Variants in ABL1 observed in about 807,000 individuals in gnomAD.
ABL1 encodes tyrosine-protein kinase ABL1.
ABL1 carries 11 observed loss-of-function variants against 94.7 expected under a neutral mutation model. The ratio of observed to expected loss-of-function variants is 0.12; its 90% CI spans 0.07 to 0.19. The LOEUF (loss-of-function observed/expected upper bound fraction) is 0.19, where lower values mean the gene tolerates loss of function less well. Ranked by LOEUF, ABL1 falls within the 10% of genes least tolerant of loss-of-function variation. ABL1 has a pLI of 1.00. For synonymous variants in ABL1, 656 were observed against 622.4 expected (o/e 1.05, Z -0.80); for missense variants, 1,082 against 1,489.4 (o/e 0.73, Z 4.50).
intron 1 of ABL1, among the ~76,000 whole-genome samples, chr9:130,743,378 T>G (rs1831844406): frequency 6.6e-6 from 1 of 152,238 alleles, no homozygotes; most frequent in Non-Finnish European, 1.5e-5. Context: ...CAGCCTAGTT[T>G]ATTCTTTTAA....
chr9:130,750,192 CAT>C (rs56263750), intron 1 of ABL1, among the ~76,000 whole-genome samples: 5,637 of 103,974 alleles, frequency 0.054, 123 homozygotes, highest in Non-Finnish European at 0.083. Flanking sequence ...AAAAAAAATA[CAT>C]ATATATATAT....
intron 1 of ABL1, among the ~76,000 whole-genome samples, chr9:130,744,315 G>C (rs1176522628): frequency 6.6e-6 from 1 of 151,312 alleles, no homozygotes; most frequent in African/African-American, 2.4e-5. Flanking sequence ...GCTAATTTTT[G>C]TATTTTTAGT....
At chr9:130,832,942 T>G (rs1830509816), upstream of ABL1, among the ~76,000 whole-genome samples, 1 of 152,244 alleles carries the variant, frequency 6.6e-6, no homozygotes, top group Admixed American at 6.5e-5. Flanking sequence ...CCATTGCCAC[T>G]AATTCAGTAT....
At chr9:130,734,732 G>A (rs1588215407) in intron 1 of ABL1, among the ~76,000 whole-genome samples, 3 of 151,806 alleles carry the variant, frequency 2.0e-5, no homozygotes, top group Admixed American at 2.0e-4. Flanking sequence ...ATATTGGCTA[G>A]GTTGGTCTTG....
At chr9:130,806,125 C>A (rs981660257) in intron 1 of ABL1, among the ~76,000 whole-genome samples, 6 of 152,152 alleles carry the variant, frequency 3.9e-5, no homozygotes, top group Non-Finnish European at 8.8e-5. Context: ...AACCTCATGT[C>A]TACAGAAGCT....
At chr9:130,867,112 T>G (rs1007655337) in intron 4 of ABL1, among the ~76,000 whole-genome samples, 2 of 152,246 alleles carry the variant, frequency 1.3e-5, no homozygotes, top group African/African-American at 2.4e-5. Flanking sequence ...GATTGACTCA[T>G]GAGCTAACTG....
At chr9:130,716,566 G>A (rs192454359) in intron 1 of ABL1, among the ~76,000 whole-genome samples, 13 of 152,230 alleles carry the variant, frequency 8.5e-5, no homozygotes, top group Non-Finnish European at 1.5e-4. Context: ...CACTTTGGTG[G>A]TTGGGTTGCA....
exon 1 of ABL1, among the ~76,000 whole-genome samples, chr9:130,713,165 C>T (rs1831392108): frequency 6.6e-6 from 1 of 152,080 alleles, no homozygotes; most frequent in Non-Finnish European, 1.5e-5. Context: ...CGGCGGGGGG[C>T]GGCTGGGTCC....
chr9:130,777,122 C>T (rs767377407), intron 1 of ABL1, among the ~76,000 whole-genome samples: 9 of 152,124 alleles, frequency 5.9e-5, no homozygotes, highest in Non-Finnish European at 1.0e-4. Flanking sequence ...ATATGAGTTA[C>T]GGTTTTTTGT....
At chr9:130,846,233 C>T (rs1323006371) in intron 1 of ABL1, among the ~76,000 whole-genome samples, 2 of 152,098 alleles carry the variant, frequency 1.3e-5, no homozygotes, top group Non-Finnish European at 1.5e-5. Flanking sequence ...GGAAATAATA[C>T]TTTTCCTCTA....
intron 1 of ABL1, among the ~76,000 whole-genome samples, chr9:130,841,653 A>G (rs1026671819): frequency 4.6e-5 from 7 of 151,770 alleles, no homozygotes; most frequent in Non-Finnish European, 1.0e-4. Flanking sequence ...TCTACTAAAA[A>G]TATAAAAAAT....
chr9:130,828,909 C>G (rs1425860369), intron 1 of ABL1, among the ~76,000 whole-genome samples: 1 of 152,056 alleles, frequency 6.6e-6, no homozygotes, highest in Non-Finnish European at 1.5e-5. Context: ...ATATAAATCT[C>G]TGGATTTATG....
exon 1 of ABL1, chr9:130,714,267 C>T (rs574830539): frequency 1.3e-6 from 2 of 1,513,906 alleles, no homozygotes; most frequent in Non-Finnish European, 1.8e-6. Flanking sequence ...GCTCGCTGAC[C>T]GTTCTGGAAG....
intron 1 of ABL1, among the ~76,000 whole-genome samples, chr9:130,808,624 C>T (rs1033710475): frequency 2.0e-5 from 3 of 152,242 alleles, no homozygotes; most frequent in African/African-American, 7.2e-5. Flanking sequence ...AGACTTGCCT[C>T]GCATTCATCT....
At chr9:130,772,648 A>T (rs1416824277) in intron 1 of ABL1, among the ~76,000 whole-genome samples, 1 of 152,206 alleles carries the variant, frequency 6.6e-6, no homozygotes, top group African/African-American at 2.4e-5. Flanking sequence ...CCACACCCCA[A>T]ATCTGTTGAA....
intron 1 of ABL1, among the ~76,000 whole-genome samples, chr9:130,819,396 C>A (rs1355711080): frequency 6.6e-6 from 1 of 151,928 alleles, no homozygotes; most frequent in Non-Finnish European, 1.5e-5. Context: ...ATTTTCTCAT[C>A]CTTTTTTGTC....
intron 1 of ABL1, among the ~76,000 whole-genome samples, chr9:130,810,928 A>G (rs1356451706): frequency 6.6e-6 from 1 of 152,192 alleles, no homozygotes; most frequent in Non-Finnish European, 1.5e-5. Context: ...AAAAAGATAC[A>G]TTATATACTT....
At chr9:130,829,534 C>T (rs968825922) in intron 1 of ABL1, among the ~76,000 whole-genome samples, 8 of 150,692 alleles carry the variant, frequency 5.3e-5, no homozygotes, top group Non-Finnish European at 8.9e-5. Flanking sequence ...CACTGCACTC[C>T]CGCCTGGGTG....
At chr9:130,821,361 C>G (rs775852046) in intron 1 of ABL1, among the ~76,000 whole-genome samples, 12 of 152,144 alleles carry the variant, frequency 7.9e-5, no homozygotes, top group Non-Finnish European at 1.5e-4. Flanking sequence ...CTTTTCCGTA[C>G]GTTTCATGTA....
Sources: gnomAD v4.1 joint callset for allele counts (sites outside exome capture counted in the v4.1 genomes callset) on GRCh38, gnomAD v4.1.1 for gene constraint, MANE v1.5 for transcripts, NCBI Gene and HGNC (gene_info 2026-07-23, HGNC 2026-07-21) for gene names.